ELMO1: variants seen among roughly 807,000 people sequenced by gnomAD.
The protein encoded by ELMO1 is engulfment and cell motility protein 1.
In ELMO1, 26 loss-of-function variants were observed where a neutral mutation model predicts 98.9. The ratio of observed to expected loss-of-function variants is 0.26; its 90% CI spans 0.19 to 0.36. ELMO1 has a LOEUF of 0.36. ELMO1 is among the 10% of genes least tolerant of loss of function. The pLI is 1.00. For missense variants in ELMO1, 627 were observed against 935.2 expected, an observed-to-expected ratio of 0.67 and a Z score of 4.30; for synonymous variants, 346 against 346.0, an observed-to-expected ratio of 1.00 and a Z score of 0.00.
chr7:37,372,040 G>A (rs1802135427), intron 1 of ELMO1, among the ~76,000 whole-genome samples: 1 of 151,976 alleles, frequency 6.6e-6, no homozygotes, highest in Non-Finnish European at 1.5e-5. Flanking sequence ...GACTTAAATT[G>A]CTACAAATAC....
intron 15 of ELMO1, among the ~76,000 whole-genome samples, chr7:37,057,585 C>A (rs1167841420): frequency 6.6e-6 from 1 of 152,190 alleles, no homozygotes; most frequent in African/African-American, 2.4e-5. Flanking sequence ...CCCCAAGATA[C>A]AGAAGCTTTA....
At chr7:36,974,154 C>A (rs1022911473) in intron 16 of ELMO1, among the ~76,000 whole-genome samples, 5 of 152,230 alleles carry the variant, frequency 3.3e-5, no homozygotes, top group Admixed American at 6.5e-5. Flanking sequence ...CAGGCAGCTC[C>A]ACCTGCAGCC....
At chr7:37,434,679 C>T (rs1422739272) in intron 1 of ELMO1, among the ~76,000 whole-genome samples, 1 of 152,174 alleles carries the variant, frequency 6.6e-6, no homozygotes, top group East Asian at 1.9e-4. Context: ...CCCATGATCC[C>T]AATCAGGCCT....
intron 5 of ELMO1, among the ~76,000 whole-genome samples, chr7:37,260,095 T>C (rs967846025): frequency 2.6e-5 from 4 of 152,322 alleles, no homozygotes; most frequent in African/African-American, 9.6e-5. Context: ...GTAGTCCAGA[T>C]GTTTTATTCA....
intron 16 of ELMO1, among the ~76,000 whole-genome samples, chr7:36,994,356 T>A (rs1036972790): frequency 3.9e-5 from 6 of 152,232 alleles, no homozygotes; most frequent in African/African-American, 1.4e-4. Context: ...ATTGCACACT[T>A]AGCTCTTTTC....
intron 16 of ELMO1, among the ~76,000 whole-genome samples, chr7:36,950,518 T>C (rs1238726631): frequency 2.6e-5 from 4 of 152,226 alleles, no homozygotes; most frequent in Admixed American, 6.5e-5. Context: ...GTTCAACCCC[T>C]TGGGCTGTCT....
At chr7:36,896,206 G>A (rs1358157714) in intron 16 of ELMO1, among the ~76,000 whole-genome samples, 1 of 152,172 alleles carries the variant, frequency 6.6e-6, no homozygotes, top group Non-Finnish European at 1.5e-5. Context: ...AGTGGAGGAG[G>A]TGCTAGTATC....
intron 15 of ELMO1, among the ~76,000 whole-genome samples, chr7:37,041,808 C>T (rs373825275): frequency 1.3e-4 from 20 of 152,018 alleles, no homozygotes; most frequent in African/African-American, 3.4e-4. Context: ...GTGAGCCCTG[C>T]GACGGCACCC....
Position 37,272,493 on chromosome 7 carries a change from C to A in ELMO1, c.193-611G>T, listed in dbSNP as rs369527815. On this transcript the variant is annotated intron_variant, in intron 4 of 21. Transcript: ENST00000310758. ...GACCAGCTTGGCCAGTATGGCGAAA[C>A]CCCGTCTCTAATAAAAATACAAAAA... is the stretch of plus-strand genomic sequence containing the variant. 1.1e-4 allele frequency among the ~76,000 whole-genome samples: 17 copies of A among 152,218 alleles called. No homozygotes were observed. The East Asian group carries it at 1.2e-3, about 10-fold the overall frequency.
intron 2 of ELMO1, among the ~76,000 whole-genome samples, chr7:37,316,329 C>T (rs1270029278): frequency 1.3e-5 from 2 of 152,202 alleles, no homozygotes; most frequent in Admixed American, 6.5e-5. Context: ...AGGAGTAGTA[C>T]ATGAATCAGG....
intron 13 of ELMO1, among the ~76,000 whole-genome samples, chr7:37,137,192 G>C (rs947798502): frequency 6.6e-6 from 1 of 152,144 alleles, no homozygotes; most frequent in Non-Finnish European, 1.5e-5. Context: ...ATTATATAAT[G>C]GTAAAAGGAC....
At chr7:37,296,870 G>C (rs1309187544) in intron 4 of ELMO1, among the ~76,000 whole-genome samples, 1 of 152,094 alleles carries the variant, frequency 6.6e-6, no homozygotes, top group Non-Finnish European at 1.5e-5. Flanking sequence ...ACAGAAAAGA[G>C]GAAAATTAGG....
At chr7:37,409,854 G>A (rs1028982909) in intron 1 of ELMO1, among the ~76,000 whole-genome samples, 13 of 152,226 alleles carry the variant, frequency 8.5e-5, no homozygotes, top group Non-Finnish European at 1.8e-4. Flanking sequence ...GATGGCAGGA[G>A]TTTCACAGGG....
chr7:37,345,115 C>G (rs571051194), intron 1 of ELMO1, among the ~76,000 whole-genome samples: 2 of 152,238 alleles, frequency 1.3e-5, no homozygotes, highest in East Asian at 3.9e-4. Flanking sequence ...CTCCTTTGGC[C>G]AAAGATGATT....
chr7:37,224,065 G>A (rs1793737695), intron 9 of ELMO1, among the ~76,000 whole-genome samples: 1 of 152,204 alleles, frequency 6.6e-6, no homozygotes, highest in Admixed American at 6.5e-5. Context: ...GGGAAGCTAT[G>A]GTTTCTCTCC....
intron 13 of ELMO1, among the ~76,000 whole-genome samples, chr7:37,184,781 G>GC (rs1791098134): frequency 6.6e-6 from 1 of 151,872 alleles, no homozygotes; most frequent in Admixed American, 6.6e-5. Context: ...TGGTGTGGTG[G>GC]CATGTTACTC....
chr7:36,906,404 C>G (rs1783963244), intron 16 of ELMO1, among the ~76,000 whole-genome samples: 1 of 152,204 alleles, frequency 6.6e-6, no homozygotes, highest in Admixed American at 6.5e-5. Flanking sequence ...CAAATACATT[C>G]AGCTGAATTA....
chr7:36,894,222 G>A (rs1419233443), intron 17 of ELMO1, among the ~76,000 whole-genome samples: 2 of 152,186 alleles, frequency 1.3e-5, no homozygotes, highest in Non-Finnish European at 2.9e-5. Context: ...ACACTTCAAA[G>A]ATTGGAATAC....
chr7:37,288,139 T>G (rs1288650710), intron 4 of ELMO1, among the ~76,000 whole-genome samples: 1 of 152,144 alleles, frequency 6.6e-6, no homozygotes, highest in East Asian at 1.9e-4. Flanking sequence ...TTTGTATTTT[T>G]GGTAGAGACA....
Sources: allele counts gnomAD v4.1 joint callset (sites outside exome capture counted in the v4.1 genomes callset), GRCh38; gene constraint gnomAD v4.1.1; transcripts MANE v1.5; gene names NCBI Gene and HGNC (gene_info 2026-07-23, HGNC 2026-07-21).